The following TMEM132B variants were observed in gnomAD, a reference collection of about 807,000 sequenced individuals.
The protein encoded by TMEM132B is transmembrane protein 132B.
A neutral mutation model predicts 90.8 loss-of-function variants in TMEM132B; 18 were observed. That is an observed-to-expected ratio of 0.20 (90% CI 0.14 to 0.29). TMEM132B has a LOEUF of 0.29. Among genes scored for constraint, TMEM132B ranks in the 10% least tolerant of loss-of-function variants. The pLI is 1.00. For synonymous variants in TMEM132B, 504 were observed against 523.3 expected (o/e 0.96, Z 0.50); for missense variants, 1,096 against 1,326.8 (o/e 0.83, Z 2.70).
chr12:125,655,485 T>A lies in TMEM132B; in HGVS notation c.*775T>A, dbSNP rs1222311413. On this transcript the variant is annotated 3_prime_UTR_variant, in exon 9 of 9. Transcript: ENST00000682704. Reference sequence around the variant, plus strand: ...CTGGGACAAAGGGTTTTACTTAAAATGTTAATATACAGTGAGGGAGGGCCA... The same window carrying A: ...CTGGGACAAAGGGTTTTACTTAAAAAGTTAATATACAGTGAGGGAGGGCCA... 6.6e-6 allele frequency: 1 copy of A among 152,246 alleles called. No individual in the cohort carries two copies. Among genetic ancestry groups the A allele is most frequent in the Non-Finnish European group, 1.5e-5 (1 of 68,040 alleles). 9.4% of individuals were successfully genotyped at this position (152,246 alleles called of 1,614,324 possible).
chr12:125,590,254 C>T (rs1048400473), intron 5 of TMEM132B, among the ~76,000 whole-genome samples: 8 of 152,160 alleles, frequency 5.3e-5, no homozygotes, highest in African/African-American at 9.7e-5. Context: ...CCTAACACAA[C>T]GTCCACATTC....
chr12:125,561,174 A>G (rs1884517136), intron 4 of TMEM132B, among the ~76,000 whole-genome samples: 1 of 152,228 alleles, frequency 6.6e-6, no homozygotes, highest in African/African-American at 2.4e-5. Context: ...CATATACACC[A>G]TGGAATACTA....
At chr12:125,456,958 C>G (rs1319469526) in intron 3 of TMEM132B, among the ~76,000 whole-genome samples, 1 of 152,238 alleles carries the variant, frequency 6.6e-6, no homozygotes, top group Non-Finnish European at 1.5e-5. Flanking sequence ...GTGATCTTCT[C>G]TTTCCCAGCC....
At chr12:125,607,776 C>T (rs1885731918) in intron 5 of TMEM132B, among the ~76,000 whole-genome samples, 1 of 152,188 alleles carries the variant, frequency 6.6e-6, no homozygotes, top group African/African-American at 2.4e-5. Context: ...CAACCCTTCC[C>T]AGCTCTAGGC....
At chr12:125,438,913 T>G (rs1178966396) in intron 3 of TMEM132B, among the ~76,000 whole-genome samples, 1 of 152,258 alleles carries the variant, frequency 6.6e-6, no homozygotes, top group African/African-American at 2.4e-5. Flanking sequence ...TTTTATCCCT[T>G]TGCTGTGTAA....
intron 3 of TMEM132B, among the ~76,000 whole-genome samples, chr12:125,495,517 TTTGACATCCCTTATTATTTCTCTTATTCA>T (rs915517582): frequency 1.3e-5 from 2 of 152,232 alleles, no homozygotes; most frequent in African/African-American, 4.8e-5. Flanking sequence ...CTCTGAGTTC[TTTGACATCCCTTATTATTTCTCTTATTCA>T]TTGACATCCC....
chr12:125,267,809 C>G (rs187333329), intron 1 of TMEM132B, among the ~76,000 whole-genome samples: 1 of 151,578 alleles, frequency 6.6e-6, no homozygotes, highest in East Asian at 1.9e-4. Context: ...AGCTAGAAAT[C>G]TAGATTTTTT....
intron 2 of TMEM132B, among the ~76,000 whole-genome samples, chr12:125,385,353 A>G (rs1454323331): frequency 6.6e-6 from 1 of 152,108 alleles, no homozygotes; most frequent in Non-Finnish European, 1.5e-5. Context: ...CCTGTCTAGC[A>G]TCTTTTTGCT....
rs1245556902 is a variant in TMEM132B at position 125,519,486 on chromosome 12, A to T, written c.1154A>T (p.Asp385Val). ...ATCTTGCAAGTGGACTTTGGAATTG[A>T]TAATAGCAGTGACCTGGCTGGGGCC... ...YEILQVDFGI[D>V]NSSDLAGAQQ... The change falls in exon 4 of 9, where the codon GAT (aspartate) becomes GTT (valine). Residue 385 changes from aspartate (D) to valine (V), a missense_variant. Asp to Val is a radical substitution (Grantham distance 152). Transcript: ENST00000682704. 2 of 1,613,942 alleles carry T rather than the reference A, an allele frequency of 1.2e-6. No individual in the cohort carries two copies. Among genetic ancestry groups the T allele is most frequent in the African/African-American group, 2.7e-5 (2 of 74,920 alleles).
chr12:125,304,224 G>C (rs991698567), intron 1 of TMEM132B, among the ~76,000 whole-genome samples: 11 of 152,220 alleles, frequency 7.2e-5, no homozygotes, highest in Admixed American at 3.3e-4. Flanking sequence ...ATGGGGAGCG[G>C]CGGTAAACAC....
Position 125,642,332 on chromosome 12 carries a change from CA to C in TMEM132B, c.1438-1741del, listed in dbSNP as rs1230128774. Among the ~76,000 whole-genome samples, 22 of 152,318 alleles carry C rather than the reference CA, an allele frequency of 1.4e-4. No individual in the cohort carries two copies. In the East Asian group the frequency reaches 4.2e-3, roughly 29 times the overall value. The stretch of plus-strand genomic sequence containing the variant: ...CACAATGAAGCAGATTTAACTGCCT[CA>C]AACATGCTCTAAAATACAGCTAATT... On this transcript the variant is annotated intron_variant, in intron 5 of 8. Transcript: ENST00000682704.
Position 125,415,379 on chromosome 12 carries a change from C to A in TMEM132B, c.960-152C>A. ...AGACACTTAGTTTTTAAAGGAAAGC[C>A]ACTTGCCACCACTCTCCCCCACATC... is the stretch of plus-strand genomic sequence containing the variant. On this transcript the variant is annotated intron_variant, in intron 2 of 8. Coordinates refer to ENST00000682704, the MANE Select transcript of TMEM132B (RefSeq NM_001366854.1). The surrounding 1 kb of genome is among the most constrained non-coding windows in gnomAD (Gnocchi z 5.3). The A allele has an allele frequency of 1.0e-6, 1 of 965,336 alleles. No homozygotes were observed. Among genetic ancestry groups the A allele is most frequent in the East Asian group, 2.8e-5 (1 of 35,586 alleles). 59.8% of individuals were successfully genotyped at this position (965,336 alleles called of 1,614,324 possible).
chr12:125,516,134 C>T (rs1883155628), intron 3 of TMEM132B, among the ~76,000 whole-genome samples: 1 of 150,056 alleles, frequency 6.7e-6, no homozygotes, highest in African/African-American at 2.5e-5. Context: ...CGCAATCTCA[C>T]ACACACACTC....
At chr12:125,339,513 C>T (rs1877101081) in intron 1 of TMEM132B, among the ~76,000 whole-genome samples, 1 of 152,220 alleles carries the variant, frequency 6.6e-6, no homozygotes, top group African/African-American at 2.4e-5. Context: ...GACGATGGAA[C>T]ACCCACTCCA....
chr12:125,310,842 G>A (rs1353213467), intron 1 of TMEM132B, among the ~76,000 whole-genome samples: 4 of 152,230 alleles, frequency 2.6e-5, no homozygotes, highest in Non-Finnish European at 4.4e-5. Context: ...GTGTGTCGAT[G>A]TGAGAAACAG....
intron 1 of TMEM132B, chr12:125,326,477 G>A: frequency 1.1e-6 from 1 of 879,994 alleles, no homozygotes; most frequent in Non-Finnish European, 1.8e-6. Flanking sequence ...GAGCACATGA[G>A]CTCTGACATT....
At chr12:125,381,617 T>C (rs1188662570) in intron 2 of TMEM132B, among the ~76,000 whole-genome samples, 1 of 152,224 alleles carries the variant, frequency 6.6e-6, no homozygotes, top group Non-Finnish European at 1.5e-5. Flanking sequence ...CCAGTGGTTC[T>C]GAAATCAGGT....
chr12:125,402,019 C>T (rs1050684704), intron 2 of TMEM132B, among the ~76,000 whole-genome samples: 2 of 152,194 alleles, frequency 1.3e-5, no homozygotes, highest in African/African-American at 2.4e-5. Flanking sequence ...TCATGTTTGA[C>T]ATTGCTAGTA....
chr12:125,554,693 A>G (rs953072300), intron 4 of TMEM132B, among the ~76,000 whole-genome samples: 1 of 152,078 alleles, frequency 6.6e-6, no homozygotes, highest in Non-Finnish European at 1.5e-5. Context: ...AGTTACAACC[A>G]CTTTTCTCAT....
Sources: gnomAD v4.1 joint callset for allele counts (sites outside exome capture counted in the v4.1 genomes callset) on GRCh38, gnomAD v4.1.1 for gene constraint, Gnocchi (gnomAD v3.1) non-coding constraint, MANE v1.5 for transcripts, NCBI Gene and HGNC (gene_info 2026-07-23, HGNC 2026-07-21) for gene names.